SYN2: variants seen among roughly 807,000 people sequenced by gnomAD.
SYN2 encodes synapsin-2.
Under a neutral mutation model 50.9 loss-of-function variants are expected in SYN2, and 19 were observed. That is an observed-to-expected ratio of 0.37 (90% CI 0.26 to 0.55). The LOEUF is 0.55. Among genes scored for constraint, SYN2 ranks in the 20% least tolerant of loss-of-function variants. The pLI is 0.81. For synonymous variants in SYN2, 255 were observed against 224.9 expected (o/e 1.13, Z -1.20); for missense variants, 587 against 576.4 (o/e 1.02, Z -0.19).
intron 1 of SYN2, among the ~76,000 whole-genome samples, chr3:12,005,498 T>A (rs2125127404): frequency 6.6e-6 from 1 of 151,920 alleles, no homozygotes; most frequent in South Asian, 2.1e-4. Context: ...ACGGGCTTGT[T>A]CCCCGGAGCA....
intron 1 of SYN2, among the ~76,000 whole-genome samples, chr3:12,055,149 G>T (rs937663170): frequency 2.0e-5 from 3 of 151,910 alleles, no homozygotes; most frequent in Admixed American, 6.6e-5. Flanking sequence ...ATAAAGCAGA[G>T]AACACATCAA....
intron 1 of SYN2, among the ~76,000 whole-genome samples, chr3:12,130,117 G>T (rs1696761347): frequency 6.6e-6 from 1 of 151,976 alleles, no homozygotes; most frequent in Non-Finnish European, 1.5e-5. Flanking sequence ...ATGGCATTTT[G>T]ATATAGCAGC....
At chr3:12,163,257 A>AG (rs1262919426) in intron 7 of SYN2, among the ~76,000 whole-genome samples, 79 of 151,554 alleles carry the variant, frequency 5.2e-4, no homozygotes, top group East Asian at 1.5e-3. Context: ...AAAAAAAAAA[A>AG]AGAGAAAAAG....
At chr3:12,005,726 C>T (rs1693788481) in intron 1 of SYN2, among the ~76,000 whole-genome samples, 1 of 151,430 alleles carries the variant, frequency 6.6e-6, no homozygotes, top group Non-Finnish European at 1.5e-5. Flanking sequence ...AAAAGGAGAC[C>T]TGCCTTAATG....
intron 1 of SYN2, among the ~76,000 whole-genome samples, chr3:12,022,058 A>G (rs922929134): frequency 6.7e-6 from 1 of 150,042 alleles, no homozygotes; most frequent in Non-Finnish European, 1.5e-5. Flanking sequence ...TGACAGAGTA[A>G]GATTGCAAGG....
chr3:12,025,712 G>A (rs968415166), intron 1 of SYN2, among the ~76,000 whole-genome samples: 2 of 152,018 alleles, frequency 1.3e-5, no homozygotes, highest in Non-Finnish European at 2.9e-5. Flanking sequence ...CGTCATATAA[G>A]TGGTCCCCTT....
intron 1 of SYN2, among the ~76,000 whole-genome samples, chr3:12,127,589 C>G (rs1420356980): frequency 6.6e-6 from 1 of 152,194 alleles, no homozygotes; most frequent in East Asian, 1.9e-4. Context: ...AGTGTCTGTT[C>G]TGGTGAATAA....
intron 7 of SYN2, among the ~76,000 whole-genome samples, chr3:12,165,912 CTT>C (rs1353640729): frequency 6.6e-6 from 1 of 151,904 alleles, no homozygotes; most frequent in African/African-American, 2.4e-5. Flanking sequence ...GATTCCTGGA[CTT>C]TTATCTCATA....
At chr3:12,070,510 G>A (rs598747) in intron 1 of SYN2, 638,940 of 740,684 alleles carry the variant, frequency 0.86, 276,790 homozygotes, top group Middle Eastern at 0.93. Flanking sequence ...ACCTTCTACA[G>A]TGAGTTGCGT....
chr3:12,123,024 G>A (rs1696593877), intron 1 of SYN2, among the ~76,000 whole-genome samples: 1 of 152,134 alleles, frequency 6.6e-6, no homozygotes, highest in Non-Finnish European at 1.5e-5. Context: ...CCAGTGAACT[G>A]GAAGGTAAAG....
At chr3:12,082,063 A>G (rs1040425401) in intron 1 of SYN2, among the ~76,000 whole-genome samples, 48 of 152,336 alleles carry the variant, frequency 3.2e-4, no homozygotes, top group African/African-American at 1.1e-3. Context: ...GGCTCAGCAT[A>G]TAGTCACATC....
chr3:12,121,759 GAA>G (rs1696564363), intron 1 of SYN2, among the ~76,000 whole-genome samples: 1 of 151,194 alleles, frequency 6.6e-6, no homozygotes, highest in African/African-American at 2.4e-5. Flanking sequence ...GAAGGAGAGA[GAA>G]AGAGATAGAA....
chr3:12,177,083 T>C (rs941430497), intron 10 of SYN2, among the ~76,000 whole-genome samples: 28 of 152,196 alleles, frequency 1.8e-4, no homozygotes, highest in African/African-American at 6.8e-4. Flanking sequence ...AAGGCTGTGA[T>C]GAGAATTCAG....
intron 1 of SYN2, among the ~76,000 whole-genome samples, chr3:12,130,455 A>G (rs778409513): frequency 2.0e-5 from 3 of 152,180 alleles, no homozygotes; most frequent in African/African-American, 4.8e-5. Flanking sequence ...GCTTGAAGAC[A>G]GGGAGAAAGA....
intron 1 of SYN2, among the ~76,000 whole-genome samples, chr3:12,077,293 TTTTTC>T (rs1158210871): frequency 1.3e-5 from 2 of 151,980 alleles, no homozygotes; most frequent in African/African-American, 4.8e-5. Context: ...GCATAGAATT[TTTTTC>T]CTTTTTTTTT....
At chr3:12,013,374 C>G (rs1490918542) in intron 1 of SYN2, among the ~76,000 whole-genome samples, 1 of 152,192 alleles carries the variant, frequency 6.6e-6, no homozygotes, top group Non-Finnish European at 1.5e-5. Flanking sequence ...GCCCCCTTTT[C>G]CTGCCCACTT....
At chr3:12,061,835 C>T (rs1323008523) in intron 1 of SYN2, among the ~76,000 whole-genome samples, 13 of 151,874 alleles carry the variant, frequency 8.6e-5, no homozygotes, top group Admixed American at 6.6e-5. Flanking sequence ...AAATTCAAGA[C>T]GTATAAGCAG....
chr3:12,081,475 T>C (rs1439247679), intron 1 of SYN2, among the ~76,000 whole-genome samples: 1 of 152,076 alleles, frequency 6.6e-6, no homozygotes, highest in Admixed American at 6.5e-5. Context: ...CTTCCCTTAA[T>C]TTACTTTTTT....
At chr3:12,183,217 A>T (rs1207179550) in intron 10 of SYN2, 95 bp from the exon 11 acceptor site, 2 of 1,484,132 alleles carry the variant, frequency 1.3e-6, no homozygotes, top group Non-Finnish European at 1.8e-6. Flanking sequence ...GTCCCACCGG[A>T]TTCCACTGCG....
Sources: allele counts gnomAD v4.1 joint callset (sites outside exome capture counted in the v4.1 genomes callset), GRCh38; gene constraint gnomAD v4.1.1; transcripts MANE v1.5; gene names NCBI Gene and HGNC (gene_info 2026-07-23, HGNC 2026-07-21).